SLC8B1: variants seen among roughly 807,000 people sequenced by gnomAD.
SLC8B1 encodes mitochondrial sodium/calcium exchanger protein.
In SLC8B1, 52 loss-of-function variants were observed where a neutral mutation model predicts 63.4. That is an observed-to-expected ratio of 0.82 (90% confidence interval 0.66 to 1.03). The LOEUF (loss-of-function observed/expected upper bound fraction) is 1.03. SLC8B1 is among the 50% of genes least tolerant of loss of function. SLC8B1 has a pLI of 0.00. For missense variants in SLC8B1, 657 were observed against 741.7 expected, an observed-to-expected ratio of 0.89 and a Z score of 1.33; for synonymous variants, 336 against 323.9, an observed-to-expected ratio of 1.04 and a Z score of -0.40.
intron 10 of SLC8B1, among the ~76,000 whole-genome samples, chr12:113,315,964 C>T (rs953709419): frequency 6.6e-6 from 1 of 152,224 alleles, no homozygotes; most frequent in Non-Finnish European, 1.5e-5. Flanking sequence ...GTGGCTCACG[C>T]CTGTAATCCC....
At chr12:113,327,129 CA>C (rs1244152123) in intron 2 of SLC8B1, among the ~76,000 whole-genome samples, 2 of 152,028 alleles carry the variant, frequency 1.3e-5, no homozygotes, top group African/African-American at 4.8e-5. Context: ...TAAAGTCACC[CA>C]AGGGGTTTCT....
At position 113,310,222 on chromosome 12, in the gene SLC8B1, C is replaced by CG. The variant is rs1566228700; in HGVS notation, c.1257+11dup. 6.2e-7 allele frequency: 1 copy of CG among 1,612,046 alleles called. No homozygotes were observed. ...CCCTCCCCCCCCATCTCGGAGAACC[C>CG]GGGCTTCTTACCCAGTGAAGCCTGG... On this transcript the variant is annotated intron_variant, in intron 12 of 15. Transcript: ENST00000680972.
chr12:113,332,963 G>T lies in SLC8B1; in HGVS notation c.-82-3C>A. ...AAACAGCTGGCGGCTCCGGTGGCCTGCAAGGTGGGAGTGAGAAAGGGGGAC... is the reference window on the plus strand; with the variant it reads ...AAACAGCTGGCGGCTCCGGTGGCCTTCAAGGTGGGAGTGAGAAAGGGGGAC... On this transcript the variant is annotated splice_polypyrimidine_tract_variant and splice_region_variant and intron_variant, in intron 1 of 15. Coordinates refer to ENST00000680972, the MANE Select transcript of SLC8B1 (RefSeq NM_001358345.2). 1 of 1,532,074 alleles carries T rather than the reference G, an allele frequency of 6.5e-7. No homozygotes were observed. The highest frequency in any genetic ancestry group is 8.8e-7 in the Non-Finnish European group (1 of 1,135,268). The allele number at this position is 1,532,074 out of a possible 1,614,324, so 94.9% of individuals were successfully genotyped here.
intron 11 of SLC8B1, among the ~76,000 whole-genome samples, chr12:113,313,001 G>A (rs1250273806): frequency 1.3e-5 from 2 of 152,140 alleles, no homozygotes; most frequent in Middle Eastern, 3.4e-3. Flanking sequence ...TGCCTCCTGG[G>A]TTCAAGTGAT....
chr12:113,313,625 C>T (rs951363233), intron 11 of SLC8B1, among the ~76,000 whole-genome samples: 4 of 152,114 alleles, frequency 2.6e-5, no homozygotes, highest in African/African-American at 9.7e-5. Flanking sequence ...CCTGTAGTCC[C>T]AACTACTCAG....
At chr12:113,307,110 CAAAAAAAAAAAAAAAAAAAAA>C (rs67032040) in intron 13 of SLC8B1, among the ~76,000 whole-genome samples, 555 of 18,174 alleles carry the variant, frequency 0.031, 10 homozygotes, top group African/African-American at 0.078. Context: ...GCCTCCATCT[CAAAAAAAAAAAAAAAAAAAAA>C]AAAAAAAAAA....
chr12:113,322,517 T>C (rs1036379490), intron 2 of SLC8B1, among the ~76,000 whole-genome samples: 7 of 152,208 alleles, frequency 4.6e-5, no homozygotes, highest in Non-Finnish European at 7.3e-5. Flanking sequence ...AGAAAAATGT[T>C]GTCAGAGAAG....
chr12:113,301,080 G>A (rs1381454689), intron 15 of SLC8B1, among the ~76,000 whole-genome samples: 4 of 151,900 alleles, frequency 2.6e-5, no homozygotes, highest in Non-Finnish European at 4.4e-5. Flanking sequence ...AGGCTGCAGC[G>A]AGCCAAGATT....
At chr12:113,332,651 A>G in intron 2 of SLC8B1, 72 bp downstream of exon 2, 2 of 1,512,428 alleles carry the variant, frequency 1.3e-6, no homozygotes, top group Non-Finnish European at 1.8e-6. Context: ...CACATAGTAG[A>G]TGCTCAATAG....
At chr12:113,316,081 A>G (rs113594331) in intron 10 of SLC8B1, among the ~76,000 whole-genome samples, 32,151 of 152,000 alleles carry the variant, frequency 0.21, 4,536 homozygotes, top group African/African-American at 0.4. Context: ...AAAATTAGCC[A>G]GGCGTGGTGG....
At chr12:113,308,650 G>C (rs1282528196) in intron 12 of SLC8B1, 1 of 152,080 alleles carries the variant, frequency 6.6e-6, no homozygotes, top group Non-Finnish European at 1.5e-5. Flanking sequence ...TCAGCATCAT[G>C]TTTTCAAGGG....
intron 15 of SLC8B1, among the ~76,000 whole-genome samples, chr12:113,301,521 T>A (rs1956587392): frequency 6.6e-6 from 1 of 151,968 alleles, no homozygotes; most frequent in South Asian, 2.1e-4. Flanking sequence ...GTATTTTTAG[T>A]AGAGATGGAG....
chr12:113,320,699 T>C lies in SLC8B1; in HGVS notation c.421-13A>G, dbSNP rs781404498. On this transcript the variant is annotated splice_polypyrimidine_tract_variant and intron_variant, in intron 5 of 15. Coordinates refer to ENST00000680972, the MANE Select transcript of SLC8B1 (RefSeq NM_001358345.2). The surrounding 1 kb of genome is among the most constrained non-coding windows in gnomAD (Gnocchi z 5.3). ...GGAAGGTGACGCCATGTGGGGAGCA[T>C]GTCAAGGCGGGCCAGGATCGCAGCT... 34 of 1,611,568 alleles carry C rather than the reference T, an allele frequency of 2.1e-5. No homozygotes were observed. The highest frequency in any genetic ancestry group is 2.5e-5 in the Non-Finnish European group (30 of 1,179,036).
intron 15 of SLC8B1, among the ~76,000 whole-genome samples, chr12:113,304,035 C>T (rs895910904): frequency 2.6e-5 from 4 of 152,162 alleles, no homozygotes; most frequent in Non-Finnish European, 4.4e-5. Flanking sequence ...TGTGCACCAC[C>T]ACACCTGACT....
chr12:113,325,401 G>C (rs941957414), intron 2 of SLC8B1, among the ~76,000 whole-genome samples: 1 of 151,400 alleles, frequency 6.6e-6, no homozygotes, highest in African/African-American at 2.4e-5. Context: ...CTACAGGCAT[G>C]CACCACCACA....
At chr12:113,318,206 T>C (rs1362827258) in intron 8 of SLC8B1, among the ~76,000 whole-genome samples, 2 of 151,958 alleles carry the variant, frequency 1.3e-5, no homozygotes, top group Non-Finnish European at 2.9e-5. Context: ...TATGTGCATG[T>C]ATTCATATAT....
At chr12:113,307,646 G>A (rs1352105097) in intron 13 of SLC8B1, 45 bp downstream of exon 13, 5 of 1,590,740 alleles carry the variant, frequency 3.1e-6, no homozygotes, top group Non-Finnish European at 2.6e-6. Context: ...GAGCTAAGAT[G>A]TGGCCGCACT....
chr12:113,315,918 A>G (rs1956828235), intron 10 of SLC8B1, among the ~76,000 whole-genome samples: 2 of 152,298 alleles, frequency 1.3e-5, no homozygotes, highest in South Asian at 4.1e-4. Flanking sequence ...TGGATAAGCC[A>G]GGCTCATCTC....
At chr12:113,316,117 A>G (rs1309123918) in intron 10 of SLC8B1, among the ~76,000 whole-genome samples, 1 of 151,978 alleles carries the variant, frequency 6.6e-6, no homozygotes, top group Non-Finnish European at 1.5e-5. Context: ...CCAGCTACTC[A>G]GGAGGCTGAG....
Sources: allele counts gnomAD v4.1 joint callset (sites outside exome capture counted in the v4.1 genomes callset), GRCh38; gene constraint gnomAD v4.1.1; non-coding constraint Gnocchi (gnomAD v3.1); transcripts MANE v1.5; gene names NCBI Gene and HGNC (gene_info 2026-07-23, HGNC 2026-07-21).